Variants in ENPP3 observed in about 807,000 individuals in gnomAD.
The protein encoded by ENPP3 is ectonucleotide pyrophosphatase/phosphodiesterase family member 3.
ENPP3 carries 104 observed loss-of-function variants against 117.8 expected under a neutral mutation model. That is an observed-to-expected ratio of 0.88 (90% CI 0.75 to 1.04). The LOEUF (loss-of-function observed/expected upper bound fraction) is 1.04. Among genes scored for constraint, ENPP3 ranks in the 50% least tolerant of loss-of-function variants. The probability of loss-of-function intolerance (pLI) is 0.00; values close to 1 mark genes in which losing one functional copy is unlikely to be tolerated. For missense variants in ENPP3, 1,026 were observed against 1,051.9 expected (o/e 0.98, Z 0.34); for synonymous variants, 380 against 349.9 (o/e 1.09, Z -0.96).
intron 15 of ENPP3, among the ~76,000 whole-genome samples, chr6:131,707,803 GTTGTGGCGAGTTT>G (rs1159813208): frequency 7.8e-6 from 1 of 127,744 alleles, no homozygotes; most frequent in Non-Finnish European, 1.5e-5. Context: ...TTTTAAATTT[GTTGTGGCGAGTTT>G]TAGGGCCTAG....
chr6:131,674,502 ATGTATCCATC>A (rs1778822605), intron 8 of ENPP3: 1 of 557,498 alleles, frequency 1.8e-6, no homozygotes, highest in Non-Finnish European at 3.2e-6. Context: ...TGGGTTATAA[ATGTATCCATC>A]TGGAAGTTAC....
Position 131,732,710 on chromosome 6 carries a change from CATTATT to C in ENPP3, c.1954-841_1954-836del, listed in dbSNP as rs71030755. Among the ~76,000 whole-genome samples, 1,074 of 131,738 alleles carry C rather than the reference CATTATT, an allele frequency of 8.2e-3. 7 individuals carry two copies. Among genetic ancestry groups the C allele is most frequent in the Middle Eastern group, 0.023 (6 of 258 alleles). 86.4% of individuals were successfully genotyped at this position (131,738 alleles called of 152,430 possible). A position where few individuals can be genotyped will look rare whatever the true frequency, so the allele number is the denominator to read the frequency against. ...ATGAGCCACCAAGCCTGGCCTAAGA[CATTATT>C]ATTATTATTATTATTATTATTATTA... is the stretch of plus-strand genomic sequence containing the variant. On this transcript the variant is annotated intron_variant, in intron 20 of 24. Transcript: ENST00000357639.
rs1779059817 is a variant in ENPP3 at position 131,683,036 on chromosome 6, C to T, written c.1012-18C>T. On this transcript the variant is annotated intron_variant, in intron 11 of 24. Transcript: ENST00000357639. ...AGACAACTCATTACGACAATCTTAA[C>T]TCCAAATTATTTTTCAGGTAATTAA... The T allele has an allele frequency of 6.2e-6, 9 of 1,460,794 alleles. No individual in the cohort carries two copies. The highest frequency in any genetic ancestry group is 8.6e-6 in the Non-Finnish European group (9 of 1,041,020). The allele number at this position is 1,460,794 out of a possible 1,614,324, so 90.5% of individuals were successfully genotyped here. A position where few individuals can be genotyped will look rare whatever the true frequency, so the allele number is the denominator to read the frequency against.
chr6:131,639,079 C>T (rs1039444062), intron 1 of ENPP3, among the ~76,000 whole-genome samples: 3 of 151,876 alleles, frequency 2.0e-5, no homozygotes, highest in Non-Finnish European at 2.9e-5. Flanking sequence ...TTAAGGTCAC[C>T]GCTATTCTCT....
At chr6:131,668,338 C>G (rs567310843) in intron 6 of ENPP3, among the ~76,000 whole-genome samples, 24 of 151,328 alleles carry the variant, frequency 1.6e-4, no homozygotes, top group African/African-American at 5.6e-4. Context: ...TCGCCCCCCC[C>G]TGAGGATCTG....
chr6:131,716,469 T>C (rs1456498065), intron 15 of ENPP3, among the ~76,000 whole-genome samples: 2 of 151,890 alleles, frequency 1.3e-5, no homozygotes. Context: ...TAGATTTTTC[T>C]GAAAATAGAA....
intron 20 of ENPP3, 42 bp from the exon 21 acceptor site, chr6:131,733,546 C>G: frequency 6.3e-7 from 1 of 1,593,430 alleles, no homozygotes; most frequent in Non-Finnish European, 8.6e-7. Context: ...ATGGGTGAGC[C>G]GCAATTGTGG....
chr6:131,741,236 T>C (rs1390218068), intron 24 of ENPP3, among the ~76,000 whole-genome samples: 1 of 152,176 alleles, frequency 6.6e-6, no homozygotes, highest in Admixed American at 6.5e-5. Flanking sequence ...ACATATTGAG[T>C]ACCTATTAAG....
intron 6 of ENPP3, among the ~76,000 whole-genome samples, chr6:131,665,637 T>A (rs1207464940): frequency 1.3e-5 from 2 of 152,118 alleles, no homozygotes; most frequent in Non-Finnish European, 2.9e-5. Flanking sequence ...TTTCTTGGTC[T>A]AGTTAAAAGT....
intron 24 of ENPP3, among the ~76,000 whole-genome samples, chr6:131,744,992 C>T (rs149312269): frequency 6.6e-6 from 1 of 152,244 alleles, no homozygotes; most frequent in Non-Finnish European, 1.5e-5. Context: ...GAAGTATCGT[C>T]TCTGCATAAG....
chr6:131,736,381 A>G (rs1374377053), intron 21 of ENPP3, among the ~76,000 whole-genome samples: 1 of 152,240 alleles, frequency 6.6e-6, no homozygotes, highest in Non-Finnish European at 1.5e-5. Context: ...ATTAGGGAAG[A>G]CAAAGGAAGA....
chr6:131,641,519 T>C lies in ENPP3; in HGVS notation c.143T>C (p.Leu48Pro), dbSNP rs1184033584. Residue 48 changes from leucine to proline, a missense_variant, in exon 2 of 25, where the codon CTG (leucine) becomes CCG (proline). By Grantham distance (98) the Leu-to-Pro change is moderately conservative. Coordinates refer to ENST00000357639, the MANE Select transcript of ENPP3 (RefSeq NM_005021.5). ...GGCCTGGGGCTTGGACTCAGGAAAC[T>C]GGAAAAGCAAGGTATACCCCTCAGC... ...GLGLGLGLRK[L>P]EKQGSCRKKC... 6.2e-7 allele frequency: 1 copy of C among 1,605,792 alleles called. No homozygotes were observed. Among genetic ancestry groups the C allele is most frequent in the Non-Finnish European group, 8.5e-7 (1 of 1,172,868 alleles).
chr6:131,674,422 C>T (rs1562443195), intron 8 of ENPP3, 141 bp downstream of exon 8: 2 of 762,028 alleles, frequency 2.6e-6, no homozygotes, highest in South Asian at 1.5e-5. Flanking sequence ...TGTTTTACCA[C>T]TATTTGTAAC....
chr6:131,701,329 G>A (rs1331272204), intron 15 of ENPP3: 1 of 1,612,670 alleles, frequency 6.2e-7, no homozygotes, highest in Non-Finnish European at 8.5e-7. Context: ...CCAAAGAGGA[G>A]CATCTGAATC....
intron 18 of ENPP3, among the ~76,000 whole-genome samples, 188 bp downstream of exon 18, chr6:131,722,593 AG>A (rs1780060453): frequency 6.6e-6 from 1 of 152,218 alleles, no homozygotes. Context: ...TGTAAGATTA[AG>A]TAGGGAAATA....
intron 12 of ENPP3, among the ~76,000 whole-genome samples, chr6:131,684,993 T>C (rs1585665597): frequency 6.6e-6 from 1 of 152,116 alleles, no homozygotes; most frequent in Non-Finnish European, 1.5e-5. Flanking sequence ...TCATGTTGGC[T>C]AGGCTGGTCT....
At chr6:131,674,038 G>A in intron 7 of ENPP3, 124 bp from the exon 8 acceptor site, 1 of 599,092 alleles carries the variant, frequency 1.7e-6, no homozygotes, top group Non-Finnish European at 2.9e-6. Flanking sequence ...AGGTCCAGGT[G>A]TTTTACATTG....
chr6:131,741,305 G>A (rs1780523745), intron 24 of ENPP3, among the ~76,000 whole-genome samples: 1 of 152,064 alleles, frequency 6.6e-6, no homozygotes, highest in African/African-American at 2.4e-5. Flanking sequence ...CATTGTCCCT[G>A]CTTTTAAAGA....
chr6:131,738,441 G>A (rs369566204), intron 23 of ENPP3, among the ~76,000 whole-genome samples: 1 of 152,038 alleles, frequency 6.6e-6, no homozygotes, highest in Non-Finnish European at 1.5e-5. Flanking sequence ...ATTTTGTAAA[G>A]GCTAAGGAGG....
Sources: allele counts gnomAD v4.1 joint callset (sites outside exome capture counted in the v4.1 genomes callset), GRCh38; gene constraint gnomAD v4.1.1; transcripts MANE v1.5; gene names NCBI Gene and HGNC (gene_info 2026-07-23, HGNC 2026-07-21).